The following TSPEAR variants were observed in gnomAD, a reference collection of about 807,000 sequenced individuals.
TSPEAR encodes thrombospondin type laminin G domain and EAR repeats, also known as thrombospondin-type laminin G domain and EAR repeat-containing protein.
A neutral mutation model predicts 71.6 loss-of-function variants in TSPEAR; 69 were observed. That is an observed-to-expected ratio of 0.96 (90% CI 0.79 to 1.18). TSPEAR has a LOEUF of 1.18. Ranked by LOEUF, TSPEAR falls within the 50% of genes most tolerant of loss-of-function variation. The probability of loss-of-function intolerance (pLI) is 0.00; values close to 1 mark genes in which losing one functional copy is unlikely to be tolerated. For missense variants in TSPEAR, 971 were observed against 894.9 expected, an observed-to-expected ratio of 1.09 and a Z score of -1.09; for synonymous variants, 402 against 387.2, an observed-to-expected ratio of 1.04 and a Z score of -0.45.
At chr21:44,538,211 C>T (rs1310693517) in intron 2 of TSPEAR, among the ~76,000 whole-genome samples, 1 of 152,174 alleles carries the variant, frequency 6.6e-6, no homozygotes, top group Non-Finnish European at 1.5e-5. Context: ...ACTGACTGCT[C>T]TGCACCCACC....
In TSPEAR at chr21:44,637,724, G is replaced by A. The variant is rs587748372; in HGVS notation, c.83-69719C>T. On this transcript the variant is annotated intron_variant, in intron 1 of 11. Transcript: ENST00000323084. ...CTGTGTGCCTGTCTGCTGTGTGCCCGTCTGCTGCGTGCCCGTCTGTAACAA... is the reference window on the plus strand; with the variant it reads ...CTGTGTGCCTGTCTGCTGTGTGCCCATCTGCTGCGTGCCCGTCTGTAACAA... 1.7e-4 allele frequency: 227 copies of A among 1,325,036 alleles called. No homozygotes were observed. In the Admixed American group the frequency reaches 3.6e-3, roughly 21 times the overall value. 82.1% of individuals were successfully genotyped at this position (1,325,036 alleles called of 1,614,324 possible).
At chr21:44,568,534 A>G (rs1313901132) in intron 1 of TSPEAR, among the ~76,000 whole-genome samples, 1 of 152,066 alleles carries the variant, frequency 6.6e-6, no homozygotes, top group Non-Finnish European at 1.5e-5. Flanking sequence ...GTGCCAGGGG[A>G]GTGGATAAGC....
At chr21:44,629,814 C>G (rs2146207752) in intron 1 of TSPEAR, among the ~76,000 whole-genome samples, 1 of 152,324 alleles carries the variant, frequency 6.6e-6, no homozygotes, top group South Asian at 2.1e-4. Context: ...CCTGTTGTCC[C>G]CAGTGCCTGG....
chr21:44,647,526 G>C (rs947960221), intron 1 of TSPEAR: 19 of 804,368 alleles, frequency 2.4e-5, no homozygotes, highest in Non-Finnish European at 3.7e-5. Flanking sequence ...TCTGGGAAGA[G>C]ACAACCCACA....
chr21:44,666,514 A>G lies in TSPEAR; in HGVS notation c.82+44919T>C, dbSNP rs376181879. The G allele has an allele frequency of 2.2e-4, 354 of 1,612,812 alleles. No individual in the cohort carries two copies. The highest frequency in any genetic ancestry group is 2.8e-4 in the Non-Finnish European group (333 of 1,179,288). Reference sequence around the variant, plus strand: ...ACGCTGGTGCAGGAGGGCTGGCAGCACCCAGAGGACTGGCAGGACGGAGCC... The same window carrying G: ...ACGCTGGTGCAGGAGGGCTGGCAGCGCCCAGAGGACTGGCAGGACGGAGCC... On this transcript the variant is annotated intron_variant, in intron 1 of 11. Transcript: ENST00000323084.
At position 44,681,934 on chromosome 21, in the gene TSPEAR, C is replaced by T. The variant is rs202189588; in HGVS notation, c.82+29499G>A. On this transcript the variant is annotated intron_variant, in intron 1 of 11. Coordinates refer to ENST00000323084, the MANE Select transcript of TSPEAR (RefSeq NM_144991.3). ...GACTGGCAGGAGGGAGCCGCATACA[C>T]GACGGGCCTGCAGCTCACGGGCACG... The T allele has an allele frequency of 3.0e-5, 49 of 1,614,122 alleles. No individual in the cohort carries two copies. The highest frequency in any genetic ancestry group is 2.7e-4 in the African/African-American group (20 of 75,014).
At position 44,677,413 on chromosome 21, in the gene TSPEAR, C is replaced by G. The variant is rs1175236563; in HGVS notation, c.82+34020G>C. 7 of 1,048,414 alleles carry G rather than the reference C, an allele frequency of 6.7e-6. No individual in the cohort carries two copies. In the African/African-American group the frequency reaches 9.3e-5, roughly 14 times the overall value. 64.9% of individuals were successfully genotyped at this position (1,048,414 alleles called of 1,614,324 possible). A position where few individuals can be genotyped will look rare whatever the true frequency, so the allele number is the denominator to read the frequency against. On this transcript the variant is annotated intron_variant, in intron 1 of 11. Coordinates refer to ENST00000323084, the MANE Select transcript of TSPEAR (RefSeq NM_144991.3). ...ACCACAGTGTTCTGAGCTGCAATCG[C>G]CTGCAGAGTGACATTTGCAGTTTGC...
At chr21:44,704,492 C>T (rs144614856) in intron 1 of TSPEAR, among the ~76,000 whole-genome samples, 44 of 152,354 alleles carry the variant, frequency 2.9e-4, no homozygotes, top group South Asian at 8.3e-4. Context: ...GTAAAACCCA[C>T]GGCCTTCTCA....
rs1393001411 is a variant in TSPEAR at position 44,593,555 on chromosome 21, T to C, written c.83-25550A>G. Among the ~76,000 whole-genome samples the C allele has an allele frequency of 3.3e-5, 5 of 151,978 alleles. No individual in the cohort carries two copies. Among genetic ancestry groups the C allele is most frequent in the African/African-American group, 4.8e-5 (2 of 41,352 alleles). Reference sequence around the variant, plus strand: ...CCACGGGGACCCCCGAAAAACTGCGTTCCTGGCCATGACAGGAAGGGAGGT... The same window carrying C: ...CCACGGGGACCCCCGAAAAACTGCGCTCCTGGCCATGACAGGAAGGGAGGT... On this transcript the variant is annotated intron_variant, in intron 1 of 11. Coordinates refer to ENST00000323084, the MANE Select transcript of TSPEAR (RefSeq NM_144991.3). This position sits in a 1 kb window ranked among gnomAD's most constrained non-coding sequence, Gnocchi z 5.9.
intron 1 of TSPEAR, among the ~76,000 whole-genome samples, chr21:44,620,140 C>G (rs587661883): frequency 6.6e-6 from 1 of 152,194 alleles, no homozygotes; most frequent in Non-Finnish European, 1.5e-5. Context: ...GGCCAGAACG[C>G]GTTGGGATGA....
intron 1 of TSPEAR, among the ~76,000 whole-genome samples, chr21:44,617,615 C>T (rs1182358281): frequency 1.3e-5 from 2 of 152,242 alleles, no homozygotes; most frequent in African/African-American, 4.8e-5. Context: ...AGGTTGCCTG[C>T]AAGAGGCCCT....
intron 1 of TSPEAR, among the ~76,000 whole-genome samples, chr21:44,583,656 G>C (rs1240798907): frequency 2.0e-5 from 3 of 151,976 alleles, no homozygotes; most frequent in African/African-American, 7.3e-5. Flanking sequence ...TATAGTTAAT[G>C]ATACCCTTTG....
chr21:44,637,574 T>A lies in TSPEAR; in HGVS notation c.83-69569A>T, dbSNP rs1187557835. 2.5e-6 allele frequency: 4 copies of A among 1,613,726 alleles called. No homozygotes were observed. In the East Asian group the frequency reaches 8.9e-5, roughly 36 times the overall value. On this transcript the variant is annotated intron_variant, in intron 1 of 11. Coordinates refer to ENST00000323084, the MANE Select transcript of TSPEAR (RefSeq NM_144991.3). ...AGTGAGCTGTGTGTCCAGCCCCTGC[T>A]GCCAGACGGCCTGTGAGCCCAGCGC... is the stretch of plus-strand genomic sequence containing the variant.
At chr21:44,621,724 C>T (rs1239645912) in intron 1 of TSPEAR, among the ~76,000 whole-genome samples, 1 of 152,230 alleles carries the variant, frequency 6.6e-6, no homozygotes, top group Non-Finnish European at 1.5e-5. Flanking sequence ...GAATATTCAG[C>T]AGGGAAAGTA....
intron 2 of TSPEAR, among the ~76,000 whole-genome samples, chr21:44,543,268 A>G (rs2053251444): frequency 6.6e-6 from 1 of 152,238 alleles, no homozygotes; most frequent in Non-Finnish European, 1.5e-5. Flanking sequence ...TAAGTTGTAA[A>G]ATATTTATGG....
chr21:44,677,642 A>G, intron 1 of TSPEAR: 1 of 1,209,030 alleles, frequency 8.3e-7, no homozygotes. Context: ...GCTGAACCCC[A>G]GGGACCAACA....
chr21:44,521,694 C>CA (rs2052737695), intron 9 of TSPEAR, among the ~76,000 whole-genome samples, 189 bp downstream of exon 9: 1 of 152,234 alleles, frequency 6.6e-6, no homozygotes, highest in South Asian at 2.1e-4. Flanking sequence ...AAGAAGGGCT[C>CA]AGACGCCAGG....
At chr21:44,654,739 G>T in intron 1 of TSPEAR, 1 of 673,602 alleles carries the variant, frequency 1.5e-6, no homozygotes. Context: ...TTCCTCGTGG[G>T]TGGTTTTTCC....
intron 2 of TSPEAR, among the ~76,000 whole-genome samples, chr21:44,563,029 T>C (rs1555921302): frequency 6.6e-6 from 1 of 152,152 alleles, no homozygotes; most frequent in East Asian, 1.9e-4. Context: ...TAAAAAGGTA[T>C]ATTTGGTGTT....
Sources: allele counts gnomAD v4.1 joint callset (sites outside exome capture counted in the v4.1 genomes callset), GRCh38; gene constraint gnomAD v4.1.1; non-coding constraint Gnocchi (gnomAD v3.1); transcripts MANE v1.5; gene names NCBI Gene and HGNC (gene_info 2026-07-23, HGNC 2026-07-21).